The following LARGE1 variants were observed in gnomAD, a reference collection of about 807,000 sequenced individuals.
LARGE1 encodes the protein xylosyl- and glucuronyltransferase LARGE1.
In LARGE1, 43 loss-of-function variants were observed where a neutral mutation model predicts 87.6. That is an observed-to-expected ratio of 0.49 (90% CI 0.38 to 0.63). The LOEUF (loss-of-function observed/expected upper bound fraction) is 0.63. LARGE1 is among the 30% of genes least tolerant of loss of function. The pLI is 0.00. For synonymous variants in LARGE1, 434 were observed against 394.6 expected (o/e 1.10, Z -1.18); for missense variants, 802 against 1,000.2 (o/e 0.80, Z 2.67).
rs571090076 is a variant in LARGE1, at chr22:33,687,353, G to A, written c.107-36685C>T. Among the ~76,000 whole-genome samples, 247 of 149,520 alleles carry A rather than the reference G, an allele frequency of 1.7e-3. 2 individuals are homozygous for A. The highest frequency in any genetic ancestry group is 2.8e-3 in the Non-Finnish European group (188 of 67,588). On this transcript the variant is annotated intron_variant, in intron 2 of 14. Transcript: ENST00000397394. ...CCTTCTAAAATCCTACTCTCCATCC[G>A]ATGCCTCAGTCTCCATCCCTTTACC...
At chr22:33,738,672 C>T (rs1406243618) in intron 2 of LARGE1, among the ~76,000 whole-genome samples, 1 of 151,940 alleles carries the variant, frequency 6.6e-6, no homozygotes, top group African/African-American at 2.4e-5. Context: ...ACGGTGAAAC[C>T]CCGTCTCTAC....
At chr22:33,766,649 T>C (rs1305838682) in intron 1 of LARGE1, among the ~76,000 whole-genome samples, 1 of 151,878 alleles carries the variant, frequency 6.6e-6, no homozygotes, top group Non-Finnish European at 1.5e-5. Context: ...GGTCTCAAAC[T>C]CCTGACCTCA....
chr22:33,715,276 A>C (rs2082875723), intron 2 of LARGE1, among the ~76,000 whole-genome samples: 1 of 152,032 alleles, frequency 6.6e-6, no homozygotes, highest in Admixed American at 6.5e-5. Flanking sequence ...TCTTAACATC[A>C]CTCATGAATC....
At chr22:33,760,420 T>C (rs2084680585) in intron 2 of LARGE1, among the ~76,000 whole-genome samples, 1 of 152,146 alleles carries the variant, frequency 6.6e-6, no homozygotes. Context: ...GCTCGGCCCC[T>C]CATGTAACTG....
intron 6 of LARGE1, among the ~76,000 whole-genome samples, chr22:33,522,879 A>G (rs2071681333): frequency 6.6e-6 from 1 of 151,706 alleles, no homozygotes; most frequent in African/African-American, 2.4e-5. Flanking sequence ...ATGGTGACAC[A>G]CACCTGTAGT....
chr22:33,407,547 A>G (rs897444809), intron 7 of LARGE1, among the ~76,000 whole-genome samples: 14 of 152,162 alleles, frequency 9.2e-5, no homozygotes, highest in South Asian at 2.1e-4. Context: ...AAGGTAACCA[A>G]TATTTACTAG....
At chr22:33,412,998 C>T (rs935188615) in intron 7 of LARGE1, among the ~76,000 whole-genome samples, 4 of 152,150 alleles carry the variant, frequency 2.6e-5, no homozygotes, top group African/African-American at 9.7e-5. Flanking sequence ...CAACTGGATC[C>T]CATATTTCCT....
chr22:33,484,808 T>C (rs776668193), intron 6 of LARGE1, among the ~76,000 whole-genome samples: 2 of 152,188 alleles, frequency 1.3e-5, no homozygotes, highest in Non-Finnish European at 2.9e-5. Flanking sequence ...CTCTTACCCA[T>C]TCTTCCTTAT....
At chr22:33,394,793 C>T (rs1320914902) in intron 7 of LARGE1, among the ~76,000 whole-genome samples, 1 of 149,154 alleles carries the variant, frequency 6.7e-6, no homozygotes, top group African/African-American at 2.4e-5. Context: ...TGAGGCTTTG[C>T]TGAATCAGGG....
At chr22:33,089,366 CT>C in the LARGE1 span, among the ~76,000 whole-genome samples, 7 of 63,424 alleles carry the variant, frequency 1.1e-4, no homozygotes, top group South Asian at 6.9e-4. Flanking sequence ...TCTTCTTCTT[CT>C]TCTCCTTCTT....
intron 9 of LARGE1, among the ~76,000 whole-genome samples, chr22:33,350,672 A>C (rs761547064): frequency 6.6e-6 from 1 of 152,180 alleles, no homozygotes; most frequent in Non-Finnish European, 1.5e-5. Flanking sequence ...TGGGAGAGGC[A>C]GCTGTGCTTC....
At chr22:33,728,587 CAG>C (rs1462057247) in intron 2 of LARGE1, among the ~76,000 whole-genome samples, 1 of 116,690 alleles carries the variant, frequency 8.6e-6, no homozygotes, top group East Asian at 2.8e-4. Flanking sequence ...AAACCAACAA[CAG>C]AGACACATTT....
intron 1 of LARGE1, among the ~76,000 whole-genome samples, chr22:33,821,712 C>T (rs1451894995): frequency 6.8e-6 from 1 of 147,802 alleles, no homozygotes; most frequent in East Asian, 2.0e-4. Context: ...CATATTTTTC[C>T]CAGCAGAAAG....
intron 2 of LARGE1, among the ~76,000 whole-genome samples, chr22:33,721,932 G>A (rs1216659365): frequency 6.6e-6 from 1 of 152,148 alleles, no homozygotes; most frequent in Non-Finnish European, 1.5e-5. Context: ...AGCAGTCACA[G>A]CCACAATGGA....
chr22:33,770,989 A>G (rs1176412309), intron 1 of LARGE1, among the ~76,000 whole-genome samples: 1 of 152,134 alleles, frequency 6.6e-6, no homozygotes, highest in Non-Finnish European at 1.5e-5. Flanking sequence ...AGGCCTTGTC[A>G]TCACCCAAAG....
intron 2 of LARGE1, among the ~76,000 whole-genome samples, chr22:33,695,108 C>CTTTCTT (rs542533581): frequency 6.4e-5 from 9 of 140,108 alleles, no homozygotes; most frequent in African/African-American, 8.0e-5. Context: ...TTCTTTCTTT[C>CTTTCTT]TTTTTTTTTT....
chr22:33,680,093 T>C (rs1054355275), intron 2 of LARGE1, among the ~76,000 whole-genome samples: 6 of 152,206 alleles, frequency 3.9e-5, no homozygotes, highest in African/African-American at 1.4e-4. Context: ...TGGCCCTGAT[T>C]TGTTCCACTC....
At chr22:33,502,664 G>A (rs965294139) in intron 6 of LARGE1, among the ~76,000 whole-genome samples, 1 of 152,080 alleles carries the variant, frequency 6.6e-6, no homozygotes, top group Admixed American at 6.5e-5. Context: ...CGCCTCCAGG[G>A]TCCACGCCAT....
intron 5 of LARGE1, among the ~76,000 whole-genome samples, chr22:33,580,141 G>A (rs372468029): frequency 2.6e-5 from 4 of 152,004 alleles, no homozygotes; most frequent in African/African-American, 9.7e-5. Context: ...GAGGCCAAGG[G>A]GGGCAGATCA....
Sources: allele counts gnomAD v4.1 joint callset (sites outside exome capture counted in the v4.1 genomes callset), GRCh38; gene constraint gnomAD v4.1.1; transcripts MANE v1.5; gene names NCBI Gene and HGNC (gene_info 2026-07-23, HGNC 2026-07-21).